The following NPC1L1 variants were observed in gnomAD, a reference collection of about 807,000 sequenced individuals.
The protein encoded by NPC1L1 is NPC1 like intracellular cholesterol transporter 1.
In NPC1L1, 98 loss-of-function variants were observed where a neutral mutation model predicts 117.0. That is an observed-to-expected ratio of 0.84 (90% CI 0.71 to 0.99). NPC1L1 has a LOEUF of 0.99. Among genes scored for constraint, NPC1L1 ranks in the 50% least tolerant of loss-of-function variants. The probability of loss-of-function intolerance (pLI) is 0.00; values close to 1 mark genes in which losing one functional copy is unlikely to be tolerated. For synonymous variants in NPC1L1, 729 were observed against 727.6 expected, an observed-to-expected ratio of 1.00 and a Z score of -0.03; for missense variants, 1,540 against 1,710.0, an observed-to-expected ratio of 0.90 and a Z score of 1.75.
Position 44,534,724 on chromosome 7 carries a change from C to A in NPC1L1, c.1984-95G>T, listed in dbSNP as rs1002378932. ...GGCCAGACAAAGTAGCCGGCAGGCA[C>A]CCTCAGTGCCTGCAGGTGCCCGATA... On this transcript the variant is annotated intron_variant, in intron 5 of 18. Transcript: ENST00000381160. This position sits in a 1 kb window ranked among gnomAD's most constrained non-coding sequence, Gnocchi z 5.2. 9.0e-6 allele frequency: 12 copies of A among 1,337,330 alleles called. No homozygotes were observed. In the Admixed American group the frequency reaches 1.1e-4, roughly 12 times the overall value. The allele number at this position is 1,337,330 out of a possible 1,614,324, so 82.8% of individuals were successfully genotyped here.
chr7:44,512,654 G>A lies in NPC1L1; in HGVS notation c.*793C>T, dbSNP rs1257287203. ...AAAAGCTCGGGTTGGGCTGGTTTGA[G>A]GCCTGGGATCCAGGCCCGAGGTGAA... On this transcript the variant is annotated 3_prime_UTR_variant, in exon 19 of 19. Coordinates refer to ENST00000381160, the MANE Select transcript of NPC1L1 (RefSeq NM_001101648.2). 1 of 152,566 alleles carries A rather than the reference G, an allele frequency of 6.6e-6. No homozygotes were observed. The highest frequency in any genetic ancestry group is 6.5e-5 in the Admixed American group (1 of 15,302). 9.5% of individuals were successfully genotyped at this position (152,566 alleles called of 1,614,324 possible). A position where few individuals can be genotyped will look rare whatever the true frequency, so the allele number is the denominator to read the frequency against.
chr7:44,539,377 G>T lies in NPC1L1; in HGVS notation c.1020C>A (p.Phe340Leu). 3.1e-6 allele frequency: 5 copies of T among 1,613,760 alleles called. No individual in the cohort carries two copies. Among genetic ancestry groups the T allele is most frequent in the Non-Finnish European group, 4.2e-6 (5 of 1,179,702 alleles). The change falls in exon 2 of 19, where the codon TTC becomes TTA. Residue 340 changes from phenylalanine to leucine, a missense_variant. By Grantham distance (22) the Phe-to-Leu change is conservative. This residue lies in a region of NPC1L1 where 793 missense variants were observed against 820.4 expected (regional missense o/e 0.97). Coordinates refer to ENST00000381160, the MANE Select transcript of NPC1L1 (RefSeq NM_001101648.2). The surrounding 1 kb of genome is among the most constrained non-coding windows in gnomAD (Gnocchi z 4.4). ...SFSTHTLLGQ[F>L]FQGWGTWVAS... ...CCACCCACGTGCCCCAGCCCTGGAAGAACTGGCCAAGGAGGGTGTGGGTGG... is the reference window on the plus strand; with the variant it reads ...CCACCCACGTGCCCCAGCCCTGGAATAACTGGCCAAGGAGGGTGTGGGTGG...
Position 44,538,649 on chromosome 7 carries a change from G to A in NPC1L1, c.1580+168C>T, listed in dbSNP as rs529024593. Among the ~76,000 whole-genome samples, 14 of 152,322 alleles carry A rather than the reference G, an allele frequency of 9.2e-5. No homozygotes were observed. Among genetic ancestry groups the A allele is most frequent in the African/African-American group, 3.1e-4 (13 of 41,576 alleles). ...ACTCTGACCAAAGGAAATGGCGGCC[G>A]GACGAGGGGCAGAGATAATCATCTG... On this transcript the variant is annotated intron_variant, in intron 2 of 18. Transcript: ENST00000381160. The surrounding 1 kb of genome is among the most constrained non-coding windows in gnomAD (Gnocchi z 5.9).
rs150924583 is a variant in NPC1L1 at position 44,527,002 on chromosome 7, C to T, written c.2637+4753G>A. Among the ~76,000 whole-genome samples, 1,318 of 150,360 alleles carry T rather than the reference C, an allele frequency of 8.8e-3. 9 individuals carry two copies. Among genetic ancestry groups the T allele is most frequent in the Middle Eastern group, 0.01 (3 of 290 alleles). On this transcript the variant is annotated intron_variant, in intron 10 of 18. Coordinates refer to ENST00000381160, the MANE Select transcript of NPC1L1 (RefSeq NM_001101648.2). Reference sequence around the variant, plus strand: ...TCACACCATTGTACTCCAGCCTGGGCGACAAGAGTGAAACTCCATCTCAAA... The same window carrying T: ...TCACACCATTGTACTCCAGCCTGGGTGACAAGAGTGAAACTCCATCTCAAA...
chr7:44,534,600 G>C lies in NPC1L1; in HGVS notation c.2013C>G (p.Gly671=). The C allele has an allele frequency of 6.2e-7, 1 of 1,614,072 alleles. No homozygotes were observed. Among genetic ancestry groups the C allele is most frequent in the Non-Finnish European group, 8.5e-7 (1 of 1,179,970 alleles). The change falls in exon 6 of 19, where the codon GGC becomes GGG. Residue 671 remains glycine (G), a synonymous_variant. Coordinates refer to ENST00000381160, the MANE Select transcript of NPC1L1 (RefSeq NM_001101648.2). This position sits in a 1 kb window ranked among gnomAD's most constrained non-coding sequence, Gnocchi z 5.2. ...CTGCTCCCAGGACCACGGCCACCCC[G>C]CCGAGGCCCAGCGTGGCCTTGGAGT... ...MVDSKATLGL[G]GVAVVLGAVM...
At chr7:44,516,024 C>T (rs1425002987) in intron 17 of NPC1L1, 59 bp from the exon 18 acceptor site, 5 of 1,582,574 alleles carry the variant, frequency 3.2e-6, no homozygotes, top group Non-Finnish European at 4.3e-6. Context: ...GGGCACAGGG[C>T]ATCAGGCAGG....
intron 2 of NPC1L1, among the ~76,000 whole-genome samples, chr7:44,537,299 C>G (rs1019503413): frequency 6.6e-6 from 1 of 152,198 alleles, no homozygotes; most frequent in African/African-American, 2.4e-5. Context: ...CTGGCTCTGA[C>G]ATTATCTGAC....
Position 44,521,865 on chromosome 7 carries a change from A to G in NPC1L1, c.2829-29T>C, listed in dbSNP as rs566180095. ...AGGGGCAGGTGGGAGGAAGGGTGAA[A>G]AGGCCAGCTGGGCAGGGTGGTGGGT... On this transcript the variant is annotated intron_variant, in intron 11 of 18. Coordinates refer to ENST00000381160, the MANE Select transcript of NPC1L1 (RefSeq NM_001101648.2). 84 of 1,613,570 alleles carry G rather than the reference A, an allele frequency of 5.2e-5. No individual in the cohort carries two copies. The South Asian group carries it at 8.8e-4, about 17-fold the overall frequency.
At chr7:44,540,369 G>T in intron 1 of NPC1L1, 27 bp from the exon 2 acceptor site, 1 of 1,602,430 alleles carries the variant, frequency 6.2e-7, no homozygotes. Flanking sequence ...CATCACGCGT[G>T]GGCCCTGACA....
chr7:44,524,449 C>A (rs1228271055), intron 10 of NPC1L1, among the ~76,000 whole-genome samples: 1 of 152,144 alleles, frequency 6.6e-6, no homozygotes. Context: ...ACTTACTAGA[C>A]AAAGACTTCA....
intron 18 of NPC1L1, 112 bp downstream of exon 18, chr7:44,515,691 C>T: frequency 7.6e-7 from 1 of 1,310,580 alleles, no homozygotes; most frequent in South Asian, 1.2e-5. Context: ...TGGCTTCTGA[C>T]ATCTGCCCAT....
At position 44,540,417 on chromosome 7, in the gene NPC1L1, G is replaced by C. The variant is rs1049725201; in HGVS notation, c.55-75C>G. 13 of 1,347,296 alleles carry C rather than the reference G, an allele frequency of 9.6e-6. No individual in the cohort carries two copies. The African/African-American group carries it at 1.6e-4, about 16-fold the overall frequency. 83.5% of individuals were successfully genotyped at this position (1,347,296 alleles called of 1,614,324 possible). A position where few individuals can be genotyped will look rare whatever the true frequency, so the allele number is the denominator to read the frequency against. ...ATCCAGGCAGCAGGCAGCCAGGGAG[G>C]GTGTGAGGGTAAGAAGGACATGGAG... On this transcript the variant is annotated intron_variant, in intron 1 of 18. Transcript: ENST00000381160.
chr7:44,515,030 T>C (rs903693516), intron 18 of NPC1L1, among the ~76,000 whole-genome samples: 2 of 147,688 alleles, frequency 1.4e-5, no homozygotes, highest in Non-Finnish European at 3.0e-5. Context: ...AAAAATAAAA[T>C]AATGTAAAGT....
In NPC1L1 at chr7:44,536,297, G is replaced by A. The variant is rs202127286; in HGVS notation, c.1813C>T (p.Arg605Cys). The A allele has an allele frequency of 1.2e-4, 196 of 1,614,068 alleles. 1 individual carries two copies. Among genetic ancestry groups the A allele is most frequent in the Admixed American group, 4.0e-4 (24 of 60,004 alleles). Residue 605 changes from arginine (R) to cysteine (C), a missense_variant, in exon 4 of 19, where the codon CGT (arginine) becomes TGT (cysteine). Arg to Cys is a radical substitution (Grantham distance 180). Coordinates refer to ENST00000381160, the MANE Select transcript of NPC1L1 (RefSeq NM_001101648.2). The surrounding 1 kb of genome is among the most constrained non-coding windows in gnomAD (Gnocchi z 4.7). The part of the protein sequence containing the change: ...AFLEEMRAFQ[R>C]RMAGMFQVTF... ...ACCTGGAACATGCCAGCCATCCGAC[G>A]CTGGAAGGCTCGCATTTCCTCTAAG...
Position 44,521,098 on chromosome 7 carries a change from T to A in NPC1L1, c.2974A>T (p.Asn992Tyr). The A allele has an allele frequency of 6.2e-7, 1 of 1,614,146 alleles. No homozygotes were observed. Among genetic ancestry groups the A allele is most frequent in the Non-Finnish European group, 8.5e-7 (1 of 1,180,040 alleles). Residue 992 changes from asparagine (N) to tyrosine (Y), a missense_variant, in exon 13 of 19, where the codon AAC (asparagine) becomes TAC (tyrosine). Transcript: ENST00000381160. ...STVNSLNCLK[N>Y]CMSITMGSVR... is the part of the protein sequence containing the mutation. Reference sequence around the variant, plus strand: ...GAGCCCATCGTGATGCTCATGCAGTTCTTTAGGCAGTTCAGAGAGTCTGCA... The same window carrying A: ...GAGCCCATCGTGATGCTCATGCAGTACTTTAGGCAGTTCAGAGAGTCTGCA...
intron 10 of NPC1L1, among the ~76,000 whole-genome samples, chr7:44,528,402 G>C (rs1403479176): frequency 6.6e-6 from 1 of 152,216 alleles, no homozygotes; most frequent in Non-Finnish European, 1.5e-5. Context: ...ACCATGGCTA[G>C]CTCAAGATAT....
rs1585142737 is a variant in NPC1L1 at position 44,531,774 on chromosome 7, T to C, written c.2618A>G (p.Gln873Arg). 6.3e-7 allele frequency: 1 copy of C among 1,582,116 alleles called. No individual in the cohort carries two copies. The highest frequency in any genetic ancestry group is 8.6e-7 in the Non-Finnish European group (1 of 1,164,276). ...GCTCACCTTGGGCAGGGCCAGCTCCTGGTCCAGTCCCACGCTGATGTGGCA... is the reference window on the plus strand; with the variant it reads ...GCTCACCTTGGGCAGGGCCAGCTCCCGGTCCAGTCCCACGCTGATGTGGCA... ...SMCHISVGLD[Q>R]ELALPKDSYL... Residue 873 changes from glutamine to arginine, a missense_variant, in exon 10 of 19, where the codon CAG (glutamine) becomes CGG (arginine). Gln to Arg is a conservative substitution (Grantham distance 43, BLOSUM62 1). Around this residue, in one of 3 missense-constraint regions of NPC1L1, gnomAD observed 742 missense variants for 873.6 expected, o/e 0.85. Transcript: ENST00000381160.
chr7:44,530,455 T>C (rs1225424940), intron 10 of NPC1L1, among the ~76,000 whole-genome samples: 2 of 152,256 alleles, frequency 1.3e-5, no homozygotes, highest in East Asian at 1.9e-4. Context: ...GTTTTGGAGA[T>C]GGATGGTGGT....
At chr7:44,526,721 T>C (rs1801528750) in intron 10 of NPC1L1, among the ~76,000 whole-genome samples, 1 of 151,906 alleles carries the variant, frequency 6.6e-6, no homozygotes, top group Non-Finnish European at 1.5e-5. Flanking sequence ...AAAAAATTGT[T>C]TTAATTAAAA....
Sources: allele counts gnomAD v4.1 joint callset (sites outside exome capture counted in the v4.1 genomes callset), GRCh38; gene constraint gnomAD v4.1.1; regional missense constraint gnomAD v4.1.1; non-coding constraint Gnocchi (gnomAD v3.1); transcripts MANE v1.5; gene names NCBI Gene and HGNC (gene_info 2026-07-23, HGNC 2026-07-21).